Variants in UBE2E2 observed in about 807,000 individuals in gnomAD.
UBE2E2 encodes the protein ubiquitin conjugating enzyme E2 E2.
In UBE2E2, 6 loss-of-function variants were observed where a neutral mutation model predicts 24.7. That is an observed-to-expected ratio of 0.24 (90% CI 0.13 to 0.48). The LOEUF is 0.48. Ranked by LOEUF, UBE2E2 falls within the 20% of genes least tolerant of loss-of-function variation. UBE2E2 has a pLI of 0.99. For synonymous variants in UBE2E2, 104 were observed against 83.6 expected (o/e 1.24, Z -1.33); for missense variants, 169 against 245.0 (o/e 0.69, Z 2.07).
chr3:23,225,220 A>G (rs1464667071), intron 3 of UBE2E2, among the ~76,000 whole-genome samples: 1 of 149,578 alleles, frequency 6.7e-6, no homozygotes, highest in Admixed American at 6.7e-5. Context: ...ATAATTTGCA[A>G]CTATCTTCCT....
chr3:23,344,540 A>G lies in UBE2E2; in HGVS notation c.227+127228A>G, dbSNP rs142401229. On this transcript the variant is annotated intron_variant, in intron 3 of 5. Transcript: ENST00000396703. ...TCCAGTCTCTCCGAGTTGCGTCCCT[A>G]AAGGATCCTGCTGCAAGAAATGAGT... Among the ~76,000 whole-genome samples, 676 of 152,032 alleles carry G rather than the reference A, an allele frequency of 4.4e-3. 10 individuals carry two copies. The highest frequency in any genetic ancestry group is 0.037 in the Admixed American group (561 of 15,254).
rs150749019 is a variant in UBE2E2, at chr3:23,481,724, T to A, written c.228-17884T>A. 1.2e-4 allele frequency among the ~76,000 whole-genome samples: 18 copies of A among 152,316 alleles called. No individual in the cohort carries two copies. In the East Asian group the frequency reaches 3.5e-3, roughly 29 times the overall value. On this transcript the variant is annotated intron_variant, in intron 3 of 5. Coordinates refer to ENST00000396703, the MANE Select transcript of UBE2E2 (RefSeq NM_152653.4). ...AACAACCCAACATGTTAGCAGACAC[T>A]GTAAGATGGGGATGGGCAGTGTAAG... is the stretch of plus-strand genomic sequence containing the variant.
chr3:23,351,043 A>G (rs908518902), intron 3 of UBE2E2, among the ~76,000 whole-genome samples: 1 of 152,272 alleles, frequency 6.6e-6, no homozygotes, highest in South Asian at 2.1e-4. Flanking sequence ...ATCTCTCGGC[A>G]GAAACTCTAC....
intron 3 of UBE2E2, among the ~76,000 whole-genome samples, chr3:23,481,122 A>G (rs1352388724): frequency 6.6e-6 from 1 of 152,232 alleles, no homozygotes; most frequent in Non-Finnish European, 1.5e-5. Context: ...TGATCTTCCC[A>G]AAGGAAAATT....
At chr3:23,258,782 A>C (rs1697810894) in intron 3 of UBE2E2, among the ~76,000 whole-genome samples, 1 of 150,926 alleles carries the variant, frequency 6.6e-6, no homozygotes, top group Non-Finnish European at 1.5e-5. Flanking sequence ...AGTCCCAGCT[A>C]CTCGGGAGGC....
At chr3:23,276,990 A>G (rs577399017) in intron 3 of UBE2E2, among the ~76,000 whole-genome samples, 1 of 152,270 alleles carries the variant, frequency 6.6e-6, no homozygotes, top group Admixed American at 6.5e-5. Context: ...TAATGTAAGC[A>G]GTTTCAGTTT....
At chr3:23,513,679 G>A (rs551340106) in intron 4 of UBE2E2, among the ~76,000 whole-genome samples, 4 of 152,192 alleles carry the variant, frequency 2.6e-5, no homozygotes, top group South Asian at 2.1e-4. Context: ...CCCAACTTAG[G>A]CACACCTGCC....
Position 23,546,088 on chromosome 3 carries a change from T to C in UBE2E2, c.508+13387T>C, listed in dbSNP as rs557696395. 1.6e-4 allele frequency among the ~76,000 whole-genome samples: 25 copies of C among 152,312 alleles called. 2 individuals carry two copies. The South Asian group carries it at 5.2e-3, about 32-fold the overall frequency. ...ACTCACGTGTAGGTATACTAAAATC[T>C]CAGACTTTACCACTATACAGTTTAT... is the stretch of plus-strand genomic sequence containing the variant. On this transcript the variant is annotated intron_variant, in intron 5 of 5. Coordinates refer to ENST00000396703, the MANE Select transcript of UBE2E2 (RefSeq NM_152653.4).
At chr3:23,429,037 A>G (rs71322185) in intron 3 of UBE2E2, among the ~76,000 whole-genome samples, 10,693 of 152,064 alleles carry the variant, frequency 0.07, 500 homozygotes, top group Non-Finnish European at 0.088. Flanking sequence ...CATGTCCTAG[A>G]TGAAATGAAC....
At chr3:23,375,045 C>A (rs747240811) in intron 3 of UBE2E2, among the ~76,000 whole-genome samples, 22 of 151,868 alleles carry the variant, frequency 1.4e-4, no homozygotes, top group Non-Finnish European at 2.4e-4. Context: ...GAAATGAAAT[C>A]TGTGCTTTTA....
At chr3:23,254,220 G>C (rs937573936) in intron 3 of UBE2E2, among the ~76,000 whole-genome samples, 8 of 152,340 alleles carry the variant, frequency 5.3e-5, no homozygotes, top group Middle Eastern at 3.4e-3. Flanking sequence ...TTTAGTTGAA[G>C]AGACTCATTT....
chr3:23,481,810 G>A (rs1486312799), intron 3 of UBE2E2, among the ~76,000 whole-genome samples: 1 of 152,182 alleles, frequency 6.6e-6, no homozygotes, highest in Non-Finnish European at 1.5e-5. Context: ...AAAGATAGCC[G>A]ACGTTGACAG....
chr3:23,337,994 G>A (rs1335546655), intron 3 of UBE2E2, among the ~76,000 whole-genome samples: 3 of 152,188 alleles, frequency 2.0e-5, no homozygotes, highest in Non-Finnish European at 4.4e-5. Flanking sequence ...GTGGTACCTT[G>A]AGGGAGAAAA....
chr3:23,358,841 A>C (rs1696036781), intron 3 of UBE2E2, among the ~76,000 whole-genome samples: 1 of 152,192 alleles, frequency 6.6e-6, no homozygotes, highest in African/African-American at 2.4e-5. Flanking sequence ...ATGTCTAGGC[A>C]TTGTTACCTA....
chr3:23,374,221 T>C (rs959004283), intron 3 of UBE2E2, among the ~76,000 whole-genome samples: 16 of 152,190 alleles, frequency 1.1e-4, no homozygotes, highest in Admixed American at 6.5e-5. Context: ...GAACCAATCA[T>C]GGGCCTTCAT....
chr3:23,370,267 A>T (rs1696369767), intron 3 of UBE2E2, among the ~76,000 whole-genome samples: 1 of 152,114 alleles, frequency 6.6e-6, no homozygotes, highest in Non-Finnish European at 1.5e-5. Flanking sequence ...TCTGTCTTTA[A>T]GTTTGTTATT....
At chr3:23,389,619 TG>T in intron 3 of UBE2E2, 2 of 264,812 alleles carry the variant, frequency 7.6e-6, no homozygotes. Context: ...GTCTACATCC[TG>T]GGGGGCTTTT....
intron 5 of UBE2E2, among the ~76,000 whole-genome samples, chr3:23,537,597 G>T (rs1197298640): frequency 2.0e-5 from 3 of 152,050 alleles, no homozygotes; most frequent in African/African-American, 7.2e-5. Context: ...GCTCCCAGTG[G>T]CTCTTTTATA....
chr3:23,266,391 C>A (rs1361986855), intron 3 of UBE2E2, among the ~76,000 whole-genome samples: 2 of 152,060 alleles, frequency 1.3e-5, no homozygotes, highest in African/African-American at 2.4e-5. Flanking sequence ...GATTTTATTT[C>A]TCCTTCACTT....
Sources: allele counts gnomAD v4.1 joint callset (sites outside exome capture counted in the v4.1 genomes callset), GRCh38; gene constraint gnomAD v4.1.1; transcripts MANE v1.5; gene names NCBI Gene and HGNC (gene_info 2026-07-23, HGNC 2026-07-21).